Variants in RAB27B observed in about 807,000 individuals in gnomAD.
RAB27B encodes RAB27B, member RAS oncogene family.
A neutral mutation model predicts 24.6 loss-of-function variants in RAB27B; 15 were observed. That is an observed-to-expected ratio of 0.61 (90% confidence interval 0.41 to 0.94). RAB27B has a LOEUF of 0.94. Among genes scored for constraint, RAB27B ranks in the 40% least tolerant of loss-of-function variants. The pLI, the probability that RAB27B is intolerant of heterozygous loss-of-function variation, is 0.00. For synonymous variants in RAB27B, 105 were observed against 92.5 expected (o/e 1.14, Z -0.78); for missense variants, 261 against 266.8 (o/e 0.98, Z 0.15).
chr18:54,755,115 C>A (rs1162477900), intron 2 of RAB27B, among the ~76,000 whole-genome samples: 1 of 152,180 alleles, frequency 6.6e-6, no homozygotes, highest in African/African-American at 2.4e-5. Context: ...TAAGGCTGGG[C>A]ACAGTGGTTC....
intron 2 of RAB27B, among the ~76,000 whole-genome samples, chr18:54,806,493 G>A (rs900726818): frequency 6.1e-5 from 9 of 146,464 alleles, no homozygotes; most frequent in Admixed American, 2.8e-4. Flanking sequence ...TAAATAAATG[G>A]ATAAAGAAAT....
chr18:54,858,564 T>A (rs939943649), intron 1 of RAB27B, among the ~76,000 whole-genome samples: 12 of 151,952 alleles, frequency 7.9e-5, no homozygotes, highest in East Asian at 1.9e-4. Context: ...TTTCTTTTTT[T>A]ATATATTTTT....
At chr18:54,722,449 C>A (rs545228859) in intron 2 of RAB27B, among the ~76,000 whole-genome samples, 2 of 152,130 alleles carry the variant, frequency 1.3e-5, no homozygotes. Context: ...ACTACATCCA[C>A]GGAGGTTAGA....
chr18:54,855,502 A>G (rs4801101), intron 1 of RAB27B, among the ~76,000 whole-genome samples: 143,837 of 152,298 alleles, frequency 0.94, 68,468 homozygotes, highest in East Asian at 1. Flanking sequence ...TGGATACAAG[A>G]TAGAAGTAAG....
chr18:54,859,910 A>G (rs1354785079), intron 1 of RAB27B, among the ~76,000 whole-genome samples: 1 of 152,232 alleles, frequency 6.6e-6, no homozygotes, highest in East Asian at 1.9e-4. Context: ...ATCTAGTGAA[A>G]TAATCTAGGG....
chr18:54,768,928 C>G (rs75674341), intron 2 of RAB27B, among the ~76,000 whole-genome samples: 8,082 of 152,172 alleles, frequency 0.053, 274 homozygotes, highest in Admixed American at 0.084. Context: ...GATTACAATT[C>G]GAGGTGAGGG....
intron 2 of RAB27B, among the ~76,000 whole-genome samples, chr18:54,772,715 GCATAATCAATACTATAAGCCATGCTTC>G (rs1169025545): frequency 5.9e-5 from 9 of 151,960 alleles, no homozygotes; most frequent in African/African-American, 2.2e-4. Context: ...TGAATCTCTT[GCATAATCAATACTATAAGCCATGCTTC>G]TTATTCATTC....
At chr18:54,788,098 A>C (rs1909144440) in intron 2 of RAB27B, among the ~76,000 whole-genome samples, 1 of 152,188 alleles carries the variant, frequency 6.6e-6, no homozygotes, top group Admixed American at 6.5e-5. Flanking sequence ...TTACTTTCTC[A>C]GCAAGGCCAG....
chr18:54,783,130 T>A (rs1908968422), intron 2 of RAB27B, among the ~76,000 whole-genome samples: 3 of 151,922 alleles, frequency 2.0e-5, no homozygotes, highest in Admixed American at 2.0e-4. Flanking sequence ...GCTAATTTTT[T>A]TAAAATTTTT....
chr18:54,779,052 A>T (rs1015089518), intron 2 of RAB27B, among the ~76,000 whole-genome samples: 2 of 152,004 alleles, frequency 1.3e-5, no homozygotes, highest in South Asian at 2.1e-4. Flanking sequence ...GTTGGCCAGG[A>T]TGGTCTCAAT....
intron 2 of RAB27B, among the ~76,000 whole-genome samples, chr18:54,727,193 T>C (rs2311207): frequency 0.78 from 119,056 of 152,078 alleles, 46,883 homozygotes; most frequent in Middle Eastern, 0.9. Context: ...AGGCTGGTCT[T>C]GAACTCCTGA....
chr18:54,883,509 T>C (rs1278475450), intron 3 of RAB27B, among the ~76,000 whole-genome samples: 1 of 152,200 alleles, frequency 6.6e-6, no homozygotes, highest in Non-Finnish European at 1.5e-5. Context: ...ACATGTGGTC[T>C]CTGGTTTTGC....
At chr18:54,783,481 T>TTGTG (rs34288200) in intron 2 of RAB27B, among the ~76,000 whole-genome samples, 1,755 of 149,776 alleles carry the variant, frequency 0.012, 12 homozygotes, top group Non-Finnish European at 0.014. Context: ...GCCTATGGCT[T>TTGTG]TGTGTGTGTG....
rs1911003727 is a variant in RAB27B at position 54,839,012 on chromosome 18, TAATA to T, written c.-20+10317_-20+10320del. 2.0e-5 allele frequency among the ~76,000 whole-genome samples: 3 copies of T among 152,236 alleles called. No individual in the cohort carries two copies. In the South Asian group the frequency reaches 6.2e-4, roughly 32 times the overall value. Reference sequence around the variant, plus strand: ...TATATGGACTTATATGAGACAGTAATAATAAATATGGAAAAAGGATACAAATATT... The same window carrying T: ...TATATGGACTTATATGAGACAGTAATAATATGGAAAAAGGATACAAATATT... On this transcript the variant is annotated intron_variant, in intron 1 of 5. Transcript: ENST00000262094.
chr18:54,888,234 TAA>T (rs1030932067), intron 5 of RAB27B, 116 bp downstream of exon 5: 1 of 1,203,044 alleles, frequency 8.3e-7, no homozygotes, highest in African/African-American at 1.5e-5. Flanking sequence ...GCATGTGGAT[TAA>T]AAAGATCTTT....
At chr18:54,731,548 C>T (rs1909733315) in intron 2 of RAB27B, among the ~76,000 whole-genome samples, 1 of 151,792 alleles carries the variant, frequency 6.6e-6, no homozygotes, top group Non-Finnish European at 1.5e-5. Context: ...TGAAGAAACC[C>T]TATGTCTACT....
At chr18:54,860,191 C>T (rs190958718) in intron 1 of RAB27B, among the ~76,000 whole-genome samples, 8 of 152,152 alleles carry the variant, frequency 5.3e-5, no homozygotes, top group East Asian at 1.9e-4. Context: ...TACATACTCG[C>T]GACTGCAGAT....
At chr18:54,720,402 T>C (rs1251481448) in intron 2 of RAB27B, among the ~76,000 whole-genome samples, 1 of 152,102 alleles carries the variant, frequency 6.6e-6, no homozygotes, top group Non-Finnish European at 1.5e-5. Context: ...TTCCAATAAA[T>C]AGTAAATCTC....
At chr18:54,755,522 T>C (rs979121787) in intron 2 of RAB27B, among the ~76,000 whole-genome samples, 1 of 152,178 alleles carries the variant, frequency 6.6e-6, no homozygotes, top group Admixed American at 6.5e-5. Context: ...ACAATGACAA[T>C]GTAATCCTCA....
Sources: gnomAD v4.1 joint callset for allele counts (sites outside exome capture counted in the v4.1 genomes callset) on GRCh38, gnomAD v4.1.1 for gene constraint, MANE v1.5 for transcripts, NCBI Gene and HGNC (gene_info 2026-07-23, HGNC 2026-07-21) for gene names.